Variants in CDK15 observed in about 807,000 individuals in gnomAD.
CDK15 encodes the protein cyclin-dependent kinase 15.
CDK15 carries 62 observed loss-of-function variants against 60.3 expected under a neutral mutation model. That is an observed-to-expected ratio of 1.03 (90% CI 0.84 to 1.27). The LOEUF (loss-of-function observed/expected upper bound fraction) is 1.27, where lower values mean the gene tolerates loss of function less well. CDK15 is among the 50% of genes most tolerant of loss of function. The pLI is 0.00. For missense variants in CDK15, 541 were observed against 527.8 expected, an observed-to-expected ratio of 1.03 and a Z score of -0.25; for synonymous variants, 194 against 195.7, an observed-to-expected ratio of 0.99 and a Z score of 0.07.
chr2:201,839,524 T>C (rs1180216772), intron 8 of CDK15, among the ~76,000 whole-genome samples: 1 of 152,172 alleles, frequency 6.6e-6, no homozygotes, highest in African/African-American at 2.4e-5. Context: ...ATTGGATGAA[T>C]GTTAAATTTC....
At chr2:201,822,682 G>GT in intron 4 of CDK15, 127 bp from the exon 5 acceptor site, 1 of 560,696 alleles carries the variant, frequency 1.8e-6, no homozygotes, top group East Asian at 2.9e-5. Context: ...ACAAGAGATT[G>GT]TTTTCCAGCA....
intron 6 of CDK15, among the ~76,000 whole-genome samples, chr2:201,831,651 G>C (rs1005563488): frequency 6.6e-6 from 1 of 152,162 alleles, no homozygotes; most frequent in Non-Finnish European, 1.5e-5. Context: ...CTGGCAGAGA[G>C]GAAAGGGGTT....
At chr2:201,833,679 T>C (rs1402505246) in intron 6 of CDK15, among the ~76,000 whole-genome samples, 169 bp from the exon 7 acceptor site, 1 of 151,306 alleles carries the variant, frequency 6.6e-6, no homozygotes, top group Non-Finnish European at 1.5e-5. Context: ...GTCCTTTTTC[T>C]TCCCCCTCTG....
intron 12 of CDK15, among the ~76,000 whole-genome samples, chr2:201,884,373 A>G (rs1470725337): frequency 6.6e-6 from 1 of 152,250 alleles, no homozygotes; most frequent in African/African-American, 2.4e-5. Flanking sequence ...GCTGTACCAC[A>G]GCCCCCATTG....
chr2:201,855,047 G>A lies in CDK15; in HGVS notation c.1009+110G>A, dbSNP rs1698087051. ...TGTGAACTCAGCGGCAAAGATGGGT[G>A]TAGAGGAATTTCTACATTCATATAT... is the stretch of plus-strand genomic sequence containing the variant. On this transcript the variant is annotated intron_variant, in intron 10 of 13. Coordinates refer to ENST00000652192, the MANE Select transcript of CDK15 (RefSeq NM_001366386.2). The A allele has an allele frequency of 7.8e-6, 7 of 901,014 alleles. No individual in the cohort carries two copies. In the East Asian group the frequency reaches 9.8e-5, roughly 13 times the overall value. 55.8% of individuals were successfully genotyped at this position (901,014 alleles called of 1,614,324 possible). A position where few individuals can be genotyped will look rare whatever the true frequency, so the allele number is the denominator to read the frequency against.
At chr2:201,843,281 G>A (rs553787695) in intron 8 of CDK15, among the ~76,000 whole-genome samples, 10 of 152,100 alleles carry the variant, frequency 6.6e-5, no homozygotes, top group Non-Finnish European at 1.2e-4. Flanking sequence ...CCAACTCCCC[G>A]GTTCAAGTGA....
chr2:201,860,116 T>G lies in CDK15; in HGVS notation c.1009+5179T>G, dbSNP rs138741032. Among the ~76,000 whole-genome samples, 3 of 152,342 alleles carry G rather than the reference T, an allele frequency of 2.0e-5. No individual in the cohort carries two copies. The East Asian group carries it at 5.8e-4, about 29-fold the overall frequency. ...TGAAAGGGTCTGTCATAGCTCTGTTTGCTTCCTTAAACACGGTTTTTGAAA... is the reference window on the plus strand; with the variant it reads ...TGAAAGGGTCTGTCATAGCTCTGTTGGCTTCCTTAAACACGGTTTTTGAAA... On this transcript the variant is annotated intron_variant, in intron 10 of 13. Transcript: ENST00000652192.
chr2:201,859,746 G>GA (rs1698307389), intron 10 of CDK15, among the ~76,000 whole-genome samples: 1 of 152,154 alleles, frequency 6.6e-6, no homozygotes, highest in Non-Finnish European at 1.5e-5. Flanking sequence ...TTTTGGGAGA[G>GA]AAAAAGTTAA....
At chr2:201,837,755 T>C (rs374380994) in intron 8 of CDK15, among the ~76,000 whole-genome samples, 3 of 152,254 alleles carry the variant, frequency 2.0e-5, no homozygotes, top group East Asian at 3.9e-4. Flanking sequence ...ATGAATCTCT[T>C]TCAGTACCTT....
rs144375981 is a variant in CDK15, at chr2:201,836,373, G to T, written c.851+610G>T. On this transcript the variant is annotated intron_variant, in intron 8 of 13. Transcript: ENST00000652192. ...ATACTAATATTTGTAGAAGATTCTT[G>T]CAATTATTCTATAACCTTTTACTGT... is the stretch of plus-strand genomic sequence containing the variant. 4.6e-3 allele frequency among the ~76,000 whole-genome samples: 698 copies of T among 150,860 alleles called. 2 individuals carry two copies. Among genetic ancestry groups the T allele is most frequent in the African/African-American group, 0.017 (679 of 41,042 alleles).
At chr2:201,819,389 T>C (rs1260434268) in intron 4 of CDK15, among the ~76,000 whole-genome samples, 1 of 152,054 alleles carries the variant, frequency 6.6e-6, no homozygotes, top group East Asian at 1.9e-4. Context: ...TAAAGCCAAG[T>C]GAGCAAAGAT....
rs183907475 is a variant in CDK15, at chr2:201,809,544, A to G, written c.368+1592A>G. Among the ~76,000 whole-genome samples the G allele has an allele frequency of 1.3e-3, 192 of 152,128 alleles. 10 individuals are homozygous for G. The highest frequency in any genetic ancestry group is 0.012 in the Admixed American group (176 of 15,296). On this transcript the variant is annotated intron_variant, in intron 3 of 13. Coordinates refer to ENST00000652192, the MANE Select transcript of CDK15 (RefSeq NM_001366386.2). Reference sequence around the variant, plus strand: ...ATGTTTCCTTAATCTATCTTTTCTTATATTTGTGCTGCATGATTTTAATTA... The same window carrying G: ...ATGTTTCCTTAATCTATCTTTTCTTGTATTTGTGCTGCATGATTTTAATTA...
intron 11 of CDK15, among the ~76,000 whole-genome samples, chr2:201,877,626 G>C (rs6737723): frequency 0.89 from 135,380 of 152,122 alleles, 60,369 homozygotes; most frequent in East Asian, 1. Context: ...TCTTCCAAAC[G>C]TCCATTTCAT....
chr2:201,833,886 C>G lies in CDK15; in HGVS notation c.645C>G (p.Ile215Met). 6.2e-7 allele frequency: 1 copy of G among 1,613,964 alleles called. No individual in the cohort carries two copies. The highest frequency in any genetic ancestry group is 8.5e-7 in the Non-Finnish European group (1 of 1,179,968). ...MFQLLRGLAY[I>M]HHQHVLHRDL... ...AACTTTTGCGGGGCCTGGCGTACATCCACCACCAACACGTTCTTCACAGGG... is the reference window on the plus strand; with the variant it reads ...AACTTTTGCGGGGCCTGGCGTACATGCACCACCAACACGTTCTTCACAGGG... The change falls in exon 7 of 14, where the codon ATC (isoleucine) becomes ATG (methionine). Residue 215 changes from isoleucine (I) to methionine (M), a missense_variant. Physicochemically the swap from Ile to Met is conservative, Grantham distance 10. Coordinates refer to ENST00000652192, the MANE Select transcript of CDK15 (RefSeq NM_001366386.2).
chr2:201,817,048 A>C (rs1234483982), intron 4 of CDK15, among the ~76,000 whole-genome samples: 1 of 152,186 alleles, frequency 6.6e-6, no homozygotes, highest in Non-Finnish European at 1.5e-5. Context: ...GGAGAGGTAC[A>C]CCCGCTGCTG....
intron 6 of CDK15, among the ~76,000 whole-genome samples, chr2:201,832,385 G>T (rs1265108238): frequency 6.6e-6 from 1 of 152,118 alleles, no homozygotes; most frequent in Non-Finnish European, 1.5e-5. Flanking sequence ...ATATCTTCTT[G>T]TCTTTTACCT....
Position 201,834,086 on chromosome 2 carries a change from C to G in CDK15, c.730+115C>G, listed in dbSNP as rs555859730. On this transcript the variant is annotated intron_variant, in intron 7 of 13. Transcript: ENST00000652192. ...AAACTGGAGGCCCAAGAACATGATGCTTTGTGAGGATATCAAACTACCACA... is the reference window on the plus strand; with the variant it reads ...AAACTGGAGGCCCAAGAACATGATGGTTTGTGAGGATATCAAACTACCACA... The G allele has an allele frequency of 1.9e-4, 236 of 1,248,938 alleles. 4 individuals carry two copies. The South Asian group carries it at 4.2e-3, about 22-fold the overall frequency. 77.4% of individuals were successfully genotyped at this position (1,248,938 alleles called of 1,614,324 possible).
At chr2:201,809,076 T>C (rs1695639902) in intron 3 of CDK15, among the ~76,000 whole-genome samples, 1 of 152,168 alleles carries the variant, frequency 6.6e-6, no homozygotes, top group East Asian at 1.9e-4. Flanking sequence ...GTTTTAGTCA[T>C]GGTGTACCTT....
At chr2:201,879,979 AG>A in intron 11 of CDK15, 48 bp from the exon 12 acceptor site, 1 of 1,592,616 alleles carries the variant, frequency 6.3e-7, no homozygotes, top group Non-Finnish European at 8.5e-7. Context: ...TTTGTTTTTC[AG>A]AAGGGAGGCT....
Sources: gnomAD v4.1 joint callset for allele counts (sites outside exome capture counted in the v4.1 genomes callset) on GRCh38, gnomAD v4.1.1 for gene constraint, MANE v1.5 for transcripts, NCBI Gene and HGNC (gene_info 2026-07-23, HGNC 2026-07-21) for gene names.